Variants in MCM2 observed in about 807,000 individuals in gnomAD.
MCM2 encodes the protein DNA replication licensing factor MCM2.
A neutral mutation model predicts 86.4 loss-of-function variants in MCM2; 49 were observed. The observed-to-expected ratio is 0.57, with a 90% CI of 0.45 to 0.72. MCM2 has a LOEUF of 0.72. Ranked by LOEUF, MCM2 falls within the 30% of genes least tolerant of loss-of-function variation. The pLI, the probability that MCM2 is intolerant of heterozygous loss-of-function variation, is 0.00. For missense variants in MCM2, 1,038 were observed against 1,259.9 expected, an observed-to-expected ratio of 0.82 and a Z score of 2.67; for synonymous variants, 475 against 484.6, an observed-to-expected ratio of 0.98 and a Z score of 0.26.
chr3:127,617,946 G>A lies in MCM2; in HGVS notation c.1901-23G>A, dbSNP rs531845068. On this transcript the variant is annotated intron_variant, in intron 11 of 15. Transcript: ENST00000265056. This position sits in a 1 kb window ranked among gnomAD's most constrained non-coding sequence, Gnocchi z 4.1. The stretch of plus-strand genomic sequence containing the variant: ...GGAGGATAGGGGAATCCACCCTGAT[G>A]GAGGTGCTCCCCTGTGTTTCAGGAG... 5 of 1,589,466 alleles carry A rather than the reference G, an allele frequency of 3.1e-6. No homozygotes were observed. In the South Asian group the frequency reaches 5.6e-5, roughly 18 times the overall value.
At chr3:127,605,434 CTTTTTTTTTT>C (rs1227332481) in intron 4 of MCM2, among the ~76,000 whole-genome samples, 28 of 86,124 alleles carry the variant, frequency 3.3e-4, no homozygotes, top group Non-Finnish European at 4.7e-5. Flanking sequence ...GGAATTGACT[CTTTTTTTTTT>C]TTTTTTTTTT....
rs780477005 is a variant in MCM2 at position 127,608,465 on chromosome 3, C to T, written c.1185C>T (p.Asp395=). 108 of 1,614,066 alleles carry T rather than the reference C, an allele frequency of 6.7e-5. No individual in the cohort carries two copies. Among genetic ancestry groups the T allele is most frequent in the Admixed American group, 2.2e-4 (13 of 60,014 alleles). Reference sequence around the variant, plus strand: ...CTGGCCGGCTGCCCCGCTCCAAGGACGCCATTCTCCTCGCAGATCTGGTGG... The same window carrying T: ...CTGGCCGGCTGCCCCGCTCCAAGGATGCCATTCTCCTCGCAGATCTGGTGG... ...VAAGRLPRSK[D]AILLADLVDS... is the part of the protein sequence containing the mutation. The change falls in exon 7 of 16, where the codon GAC becomes GAT. Residue 395 remains aspartate (D), a synonymous_variant. Coordinates refer to ENST00000265056, the MANE Select transcript of MCM2 (RefSeq NM_004526.4).
chr3:127,600,210 G>A (rs2074297639), intron 2 of MCM2, among the ~76,000 whole-genome samples: 1 of 152,212 alleles, frequency 6.6e-6, no homozygotes, highest in Non-Finnish European at 1.5e-5. Flanking sequence ...CAACCCAGGA[G>A]GCATAGGTTG....
chr3:127,616,834 C>A, intron 9 of MCM2, 34 bp from the exon 10 acceptor site: 1 of 1,599,252 alleles, frequency 6.3e-7, no homozygotes, highest in Non-Finnish European at 8.5e-7. Context: ...ACTTCCCACT[C>A]TCCCCCTCCC....
Position 127,617,455 on chromosome 3 carries a change from C to G in MCM2, c.1900+50C>G, listed in dbSNP as rs373738675. ...GGGCTGGGGTGGGACACAGGGAGGT[C>G]CCGCCTGCTTGAATTGGGAGCCCAC... On this transcript the variant is annotated intron_variant, in intron 11 of 15. Transcript: ENST00000265056. The surrounding 1 kb of genome is among the most constrained non-coding windows in gnomAD (Gnocchi z 4.1). 604 of 1,572,740 alleles carry G rather than the reference C, an allele frequency of 3.8e-4. 15 individuals are homozygous for G. In the South Asian group the frequency reaches 6.3e-3, roughly 16 times the overall value.
rs2074371694 is a variant in MCM2, at chr3:127,608,914, T to C, written c.1319T>C (p.Leu440Pro). Residue 440 changes from leucine to proline, a missense_variant, in exon 8 of 16, where the codon CTA (leucine) becomes CCA (proline). Physicochemically the swap from Leu to Pro is moderately conservative, Grantham distance 98 (BLOSUM62 -3). This residue lies in a region of MCM2 where 399 missense variants were observed against 507.2 expected (regional missense o/e 0.79). Transcript: ENST00000265056. ...TTCCCTGTCTTTGCCACTGTCATCCTAGCCAACCACGTGGCCAAGAAGGAC... is the reference window on the plus strand; with the variant it reads ...TTCCCTGTCTTTGCCACTGTCATCCCAGCCAACCACGTGGCCAAGAAGGAC... ...NGFPVFATVILANHVAKKDNK... is the reference protein window; with the variant it reads ...NGFPVFATVIPANHVAKKDNK... 2.5e-6 allele frequency: 4 copies of C among 1,614,088 alleles called. No individual in the cohort carries two copies. The African/African-American group carries it at 5.3e-5, about 22-fold the overall frequency.
Position 127,599,378 on chromosome 3 carries a change from C to T in MCM2, c.67C>T (p.Pro23Ser). The part of the protein sequence containing the change: ...SPAQRRRGND[P>S]LTSSPGRSSR... ...GGCCCAGCGTCGGCGAGGCAATGAT[C>T]CTCTCACCTCCAGCCCTGGCCGAAG... Residue 23 changes from proline (P) to serine (S), a missense_variant, in exon 2 of 16, where the codon CCT (proline) becomes TCT (serine). Physicochemically the swap from Pro to Ser is moderately conservative, Grantham distance 74. Transcript: ENST00000265056. 1 of 1,614,142 alleles carries T rather than the reference C, an allele frequency of 6.2e-7. No homozygotes were observed. Among genetic ancestry groups the T allele is most frequent in the Non-Finnish European group, 8.5e-7 (1 of 1,180,022 alleles).
In MCM2 at chr3:127,606,420, G is replaced by A. The variant is rs1396494455; in HGVS notation, c.893+83G>A. The A allele has an allele frequency of 5.6e-6, 8 of 1,426,904 alleles. No homozygotes were observed. Among genetic ancestry groups the A allele is most frequent in the Non-Finnish European group, 6.8e-6 (7 of 1,030,892 alleles). The allele number at this position is 1,426,904 out of a possible 1,614,324, so 88.4% of individuals were successfully genotyped here. A position where few individuals can be genotyped will look rare whatever the true frequency, so the allele number is the denominator to read the frequency against. On this transcript the variant is annotated intron_variant, in intron 5 of 15. Coordinates refer to ENST00000265056, the MANE Select transcript of MCM2 (RefSeq NM_004526.4). The surrounding 1 kb of genome is among the most constrained non-coding windows in gnomAD (Gnocchi z 4.2). ...GTGATTCCTGAAGAGCGATTGTGGT[G>A]TGGGCGGGGAGGGTGCAGCCAGCAG...
At position 127,617,626 on chromosome 3, in the gene MCM2, A is replaced by G; in HGVS notation, c.1900+221A>G. 1.6e-6 allele frequency: 1 copy of G among 635,760 alleles called. No homozygotes were observed. Among genetic ancestry groups the G allele is most frequent in the Non-Finnish European group, 2.7e-6 (1 of 372,042 alleles). The allele number at this position is 635,760 out of a possible 1,614,324, so 39.4% of individuals were successfully genotyped here. On this transcript the variant is annotated intron_variant, in intron 11 of 15. Transcript: ENST00000265056. This position sits in a 1 kb window ranked among gnomAD's most constrained non-coding sequence, Gnocchi z 4.1. ...AGTCATGTTCCTGGAATCACCTTGG[A>G]TGTTCTCAGAAGGCATGGGAGGAGA...
At chr3:127,603,458 A>T (rs2074320470) in intron 2 of MCM2, among the ~76,000 whole-genome samples, 1 of 150,840 alleles carries the variant, frequency 6.6e-6, no homozygotes, top group Non-Finnish European at 1.5e-5. Flanking sequence ...CACCGCACCC[A>T]GCCCTTTTGT....
At position 127,619,106 on chromosome 3, in the gene MCM2, A is replaced by G. The variant is rs139449344; in HGVS notation, c.2093A>G (p.Asn698Ser). Residue 698 changes from asparagine (N) to serine (S), a missense_variant, in exon 13 of 16, where the codon AAT becomes AGT. Coordinates refer to ENST00000265056, the MANE Select transcript of MCM2 (RefSeq NM_004526.4). ...PSNKEEEGLA[N>S]GSAAEPAMPN... ...AACAAGGAGGAGGAGGGGCTGGCCA[A>G]TGGCAGCGCTGCTGAGCCCGCCATG... 42 of 1,613,124 alleles carry G rather than the reference A, an allele frequency of 2.6e-5. No individual in the cohort carries two copies. Among genetic ancestry groups the G allele is most frequent in the Non-Finnish European group, 3.2e-5 (38 of 1,179,706 alleles).
At chr3:127,613,718 T>A (rs1456576352) in intron 8 of MCM2, among the ~76,000 whole-genome samples, 1 of 152,210 alleles carries the variant, frequency 6.6e-6, no homozygotes, top group Admixed American at 6.5e-5. Context: ...TGTAGAATGG[T>A]GTAGTGAACT....
In MCM2 at chr3:127,617,284, T is replaced by C; in HGVS notation, c.1779T>C (p.Asn593=). 1 of 1,614,014 alleles carries C rather than the reference T, an allele frequency of 6.2e-7. No individual in the cohort carries two copies. Among genetic ancestry groups the C allele is most frequent in the African/African-American group, 1.3e-5 (1 of 74,994 alleles). The part of the protein sequence containing the change: ...VCLIDEFDKM[N]DQDRTSIHEA... ...GGGCCATTTTAATCTTGCAGATGAATGACCAGGACAGAACCAGCATCCATG... is the reference window on the plus strand; with the variant it reads ...GGGCCATTTTAATCTTGCAGATGAACGACCAGGACAGAACCAGCATCCATG... Residue 593 remains asparagine, a synonymous_variant, in exon 11 of 16, where the codon AAT becomes AAC. Coordinates refer to ENST00000265056, the MANE Select transcript of MCM2 (RefSeq NM_004526.4). This position sits in a 1 kb window ranked among gnomAD's most constrained non-coding sequence, Gnocchi z 4.1.
At chr3:127,610,750 T>G (rs1470862308) in intron 8 of MCM2, 1 of 455,832 alleles carries the variant, frequency 2.2e-6, no homozygotes, top group Non-Finnish European at 4.4e-6. Flanking sequence ...CCAGCATTTG[T>G]GGGCTTATAT....
chr3:127,605,302 A>G (rs778220100), intron 4 of MCM2, 146 bp downstream of exon 4: 2 of 1,045,700 alleles, frequency 1.9e-6, no homozygotes, highest in South Asian at 1.6e-5. Context: ...TGAGTTTTGC[A>G]TCAGGGCTCT....
chr3:127,608,810 C>G, intron 7 of MCM2, 22 bp from the exon 8 acceptor site: 2 of 1,612,398 alleles, frequency 1.2e-6, no homozygotes, highest in South Asian at 1.1e-5. Context: ...GCTCTGACTT[C>G]TTGGCCCCTC....
In MCM2 at chr3:127,617,398, C is replaced by T. The variant is rs1432194229; in HGVS notation, c.1893C>T (p.Asn631=). Residue 631 remains asparagine (N), a synonymous_variant, in exon 11 of 16, where the codon AAC becomes AAT. Transcript: ENST00000265056. The surrounding 1 kb of genome is among the most constrained non-coding windows in gnomAD (Gnocchi z 4.1). ...GCTGCACGGTCATTGCTGCCGCCAA[C>T]CCCATAGGTGCAGCAGGCACCCTGA... is the stretch of plus-strand genomic sequence containing the variant. ...QARCTVIAAA[N]PIGGRYDPSL... is the part of the protein sequence containing the mutation. 27 of 1,613,618 alleles carry T rather than the reference C, an allele frequency of 1.7e-5. No homozygotes were observed. The highest frequency in any genetic ancestry group is 2.3e-5 in the Non-Finnish European group (27 of 1,179,796).
Position 127,617,353 on chromosome 3 carries a change from C to T in MCM2, c.1848C>T (p.Ile616=), listed in dbSNP as rs755049339. 1.8e-5 allele frequency: 29 copies of T among 1,614,018 alleles called. No homozygotes were observed. The African/African-American group carries it at 3.1e-4, about 17-fold the overall frequency. The change falls in exon 11 of 16, where the codon ATC becomes ATT. Residue 616 remains isoleucine, a synonymous_variant. Coordinates refer to ENST00000265056, the MANE Select transcript of MCM2 (RefSeq NM_004526.4). The surrounding 1 kb of genome is among the most constrained non-coding windows in gnomAD (Gnocchi z 4.1). ...QQSISISKAG[I]VTSLQARCTV... ...GCATCTCCATCTCGAAGGCTGGCAT[C>T]GTCACCTCCCTGCAGGCTCGCTGCA...
In MCM2 at chr3:127,617,839, G is replaced by A. The variant is rs886865057; in HGVS notation, c.1901-130G>A. The A allele has an allele frequency of 5.8e-6, 4 of 690,326 alleles. No individual in the cohort carries two copies. The highest frequency in any genetic ancestry group is 5.3e-5 in the African/African-American group (3 of 56,818). The allele number at this position is 690,326 out of a possible 1,614,324, so 42.8% of individuals were successfully genotyped here. On this transcript the variant is annotated intron_variant, in intron 11 of 15. Coordinates refer to ENST00000265056, the MANE Select transcript of MCM2 (RefSeq NM_004526.4). The surrounding 1 kb of genome is among the most constrained non-coding windows in gnomAD (Gnocchi z 4.1). The stretch of plus-strand genomic sequence containing the variant: ...AGCTCTTTGCTGTCTCAGACAGCAG[G>A]TGCTAAGTACCCACCTATGTCTTCC...
Sources: allele counts gnomAD v4.1 joint callset (sites outside exome capture counted in the v4.1 genomes callset), GRCh38; gene constraint gnomAD v4.1.1; regional missense constraint gnomAD v4.1.1; non-coding constraint Gnocchi (gnomAD v3.1); transcripts MANE v1.5; gene names NCBI Gene and HGNC (gene_info 2026-07-23, HGNC 2026-07-21).